E2F6: variants seen among roughly 807,000 people sequenced by gnomAD.
The protein encoded by E2F6 is transcription factor E2F6.
A neutral mutation model predicts 31.5 loss-of-function variants in E2F6; 19 were observed. The ratio of observed to expected loss-of-function variants is 0.60; its 90% confidence interval spans 0.42 to 0.89. The LOEUF is 0.89. Among genes scored for constraint, E2F6 ranks in the 40% least tolerant of loss-of-function variants. E2F6 has a pLI of 0.00. For missense variants in E2F6, 269 were observed against 341.6 expected (o/e 0.79, Z 1.67); for synonymous variants, 121 against 127.7 (o/e 0.95, Z 0.36).
chr2:11,457,197 G>T lies in E2F6; in HGVS notation c.145C>A (p.Gln49Lys). ...AACTTACTTCTCATGGACACATATT[G>T]TACATTATCTTCTAAATTAATCCTT... ...KIRINLEDNVQYVSMRKALKV... is the reference protein window; with the variant it reads ...KIRINLEDNVKYVSMRKALKV... The change falls in exon 2 of 7, where the codon CAA becomes AAA. Residue 49 changes from glutamine to lysine, a missense_variant. By Grantham distance (53) the Gln-to-Lys change is moderately conservative. Coordinates refer to ENST00000381525, the MANE Select transcript of E2F6 (RefSeq NM_198256.4). 3 of 1,566,348 alleles carry T rather than the reference G, an allele frequency of 1.9e-6. No individual in the cohort carries two copies. The highest frequency in any genetic ancestry group is 2.6e-6 in the Non-Finnish European group (3 of 1,139,598).
intron 1 of E2F6, among the ~76,000 whole-genome samples, chr2:11,461,027 C>T (rs2148360072): frequency 6.6e-6 from 1 of 150,862 alleles, no homozygotes; most frequent in Non-Finnish European, 1.5e-5. Context: ...GGTCTAGAAG[C>T]AAAGAGGGGT....
chr2:11,456,867 G>A (rs1671438371), intron 2 of E2F6: 1 of 285,880 alleles, frequency 3.5e-6, no homozygotes, highest in Non-Finnish European at 6.5e-6. Flanking sequence ...ACATCCTATC[G>A]CCTCTAACAG....
At chr2:11,461,634 T>C (rs1321782001) in intron 1 of E2F6, among the ~76,000 whole-genome samples, 1 of 152,238 alleles carries the variant, frequency 6.6e-6, no homozygotes, top group Non-Finnish European at 1.5e-5. Flanking sequence ...ATTACAGGCA[T>C]GAGCCACCAT....
intron 1 of E2F6, among the ~76,000 whole-genome samples, chr2:11,463,343 G>C (rs1671904195): frequency 6.6e-6 from 1 of 152,094 alleles, no homozygotes; most frequent in African/African-American, 2.4e-5. Flanking sequence ...GAAGGAGTAG[G>C]ATTTTCTCTT....
chr2:11,450,218 GA>G, intron 4 of E2F6, 92 bp from the exon 5 acceptor site: 1 of 724,228 alleles, frequency 1.4e-6, no homozygotes, highest in Non-Finnish European at 2.2e-6. Flanking sequence ...GGTAATGTTA[GA>G]ATGTTTTTAG....
chr2:11,455,787 T>C (rs951436523), intron 2 of E2F6, among the ~76,000 whole-genome samples: 2 of 152,202 alleles, frequency 1.3e-5, no homozygotes, highest in Non-Finnish European at 2.9e-5. Flanking sequence ...CTCTATTATA[T>C]GTCCTGAGGT....
At chr2:11,456,743 G>A (rs1022066729) in intron 2 of E2F6, among the ~76,000 whole-genome samples, 51 of 151,720 alleles carry the variant, frequency 3.4e-4, no homozygotes, top group African/African-American at 1.2e-3. Flanking sequence ...CTAAGGGTGA[G>A]TATTTCTAAG....
chr2:11,464,473 G>C (rs1472899187), intron 1 of E2F6, among the ~76,000 whole-genome samples: 6 of 144,994 alleles, frequency 4.1e-5, no homozygotes, highest in South Asian at 2.2e-4. Context: ...ACCGAGATCA[G>C]GCCACTGCAC....
At chr2:11,458,297 A>G in intron 1 of E2F6, 1 of 1,551,824 alleles carries the variant, frequency 6.4e-7, no homozygotes, top group Non-Finnish European at 8.7e-7. Context: ...ATTCATGGCG[A>G]AGGCAGCCCT....
chr2:11,452,176 C>T (rs1273404196), intron 3 of E2F6, among the ~76,000 whole-genome samples: 1 of 152,194 alleles, frequency 6.6e-6, no homozygotes, highest in Non-Finnish European at 1.5e-5. Flanking sequence ...TCGTACAGTA[C>T]TTGAGTTCCT....
At chr2:11,456,090 T>C (rs1671387498) in intron 2 of E2F6, among the ~76,000 whole-genome samples, 1 of 152,218 alleles carries the variant, frequency 6.6e-6, no homozygotes, top group Non-Finnish European at 1.5e-5. Flanking sequence ...GGCTGCGGCA[T>C]TAAGCAAGAA....
intron 3 of E2F6, among the ~76,000 whole-genome samples, chr2:11,452,058 C>T (rs1003731782): frequency 6.6e-5 from 10 of 152,182 alleles, no homozygotes; most frequent in African/African-American, 1.7e-4. Flanking sequence ...AAATTAATAA[C>T]AGCAGAGGCA....
At chr2:11,460,648 T>C (rs975710958) in intron 1 of E2F6, among the ~76,000 whole-genome samples, 20 of 152,154 alleles carry the variant, frequency 1.3e-4, no homozygotes, top group Admixed American at 1.2e-3. Context: ...GAATCGTCAT[T>C]AGGCGATTTT....
chr2:11,462,687 C>T (rs1671861549), intron 1 of E2F6, among the ~76,000 whole-genome samples: 1 of 152,158 alleles, frequency 6.6e-6, no homozygotes, highest in Non-Finnish European at 1.5e-5. Context: ...GTCTGAGAAT[C>T]AAGAAACAGC....
intron 1 of E2F6, among the ~76,000 whole-genome samples, chr2:11,461,032 AG>A (rs1454004462): frequency 7.1e-6 from 1 of 141,594 alleles, no homozygotes; most frequent in African/African-American, 2.6e-5. Context: ...AGAAGCAAAG[AG>A]GGGTGGCGGG....
At chr2:11,460,538 C>T (rs1671711209) in intron 1 of E2F6, among the ~76,000 whole-genome samples, 1 of 152,194 alleles carries the variant, frequency 6.6e-6, no homozygotes, top group African/African-American at 2.4e-5. Context: ...CTCCAGCTTG[C>T]AGCCAGCCTA....
chr2:11,451,722 A>C lies in E2F6; in HGVS notation c.465T>G (p.Asp155Glu). 6.2e-7 allele frequency: 1 copy of C among 1,610,696 alleles called. No homozygotes were observed. Residue 155 changes from aspartate to glutamate, a missense_variant, in exon 4 of 7, where the codon GAT becomes GAG. By Grantham distance (45) the Asp-to-Glu change is conservative (BLOSUM62 2). Transcript: ENST00000381525. ...AATCCTTAATTAACTCATCCAAAGC[A>C]TCTTCCATTGCTGATAAGTCAGAAA... is the stretch of plus-strand genomic sequence containing the variant. ...EELSDLSAME[D>E]ALDELIKDCA...
At position 11,444,684 on chromosome 2, in the gene E2F6, T is replaced by C. The variant is rs1670616908; in HGVS notation, c.*1793A>G. 6.6e-6 allele frequency: 1 copy of C among 151,442 alleles called. No homozygotes were observed. Among genetic ancestry groups the C allele is most frequent in the Non-Finnish European group, 1.5e-5 (1 of 67,874 alleles). 9.4% of individuals were successfully genotyped at this position (151,442 alleles called of 1,614,324 possible). A position where few individuals can be genotyped will look rare whatever the true frequency, so the allele number is the denominator to read the frequency against. On this transcript the variant is annotated 3_prime_UTR_variant, in exon 7 of 7. Coordinates refer to ENST00000381525, the MANE Select transcript of E2F6 (RefSeq NM_198256.4). The stretch of plus-strand genomic sequence containing the variant: ...CTCTTTAGATGACCTCTCCTACTCT[T>C]GTGGCTTAAACTATCGCATCTAAAC...
At chr2:11,461,646 A>G (rs943333878) in intron 1 of E2F6, among the ~76,000 whole-genome samples, 2 of 152,192 alleles carry the variant, frequency 1.3e-5, no homozygotes, top group Admixed American at 6.5e-5. Context: ...AGCCACCATG[A>G]CTGGCCAAGA....
Sources: allele counts gnomAD v4.1 joint callset (sites outside exome capture counted in the v4.1 genomes callset), GRCh38; gene constraint gnomAD v4.1.1; transcripts MANE v1.5; gene names NCBI Gene and HGNC (gene_info 2026-07-23, HGNC 2026-07-21).